Variants in CYRIA observed in about 807,000 individuals in gnomAD.
CYRIA encodes CYFIP-related Rac1 interactor A.
CYRIA carries 15 observed loss-of-function variants against 43.9 expected under a neutral mutation model. The observed-to-expected ratio is 0.34, with a 90% confidence interval of 0.23 to 0.53. The LOEUF (loss-of-function observed/expected upper bound fraction) is 0.53, where lower values mean the gene tolerates loss of function less well. CYRIA is among the 20% of genes least tolerant of loss of function. The probability of loss-of-function intolerance (pLI) is 0.94; values close to 1 mark genes in which losing one functional copy is unlikely to be tolerated. For missense variants in CYRIA, 236 were observed against 394.2 expected (o/e 0.60, Z 3.40); for synonymous variants, 117 against 136.0 (o/e 0.86, Z 0.97).
At position 16,555,225 on chromosome 2, in the gene CYRIA, G is replaced by A. The variant is rs552707839; in HGVS notation, c.838-86C>T. Reference sequence around the variant, plus strand: ...ACCCATAATAACATGTGCCCATAATGTCACATTATATCTTCCCATAGAAAT... The same window carrying A: ...ACCCATAATAACATGTGCCCATAATATCACATTATATCTTCCCATAGAAAT... On this transcript the variant is annotated intron_variant, in intron 10 of 11. Transcript: ENST00000381323. 225 of 1,227,326 alleles carry A rather than the reference G, an allele frequency of 1.8e-4. No homozygotes were observed. In the African/African-American group the frequency reaches 3.1e-3, roughly 17 times the overall value. The allele number at this position is 1,227,326 out of a possible 1,614,324, so 76.0% of individuals were successfully genotyped here. A position where few individuals can be genotyped will look rare whatever the true frequency, so the allele number is the denominator to read the frequency against.
At chr2:16,634,328 A>G (rs1235058085) in intron 1 of CYRIA, among the ~76,000 whole-genome samples, 1 of 152,124 alleles carries the variant, frequency 6.6e-6, no homozygotes, top group African/African-American at 2.4e-5. Context: ...ATATTCCAGA[A>G]TGGTAAAATC....
intron 6 of CYRIA, 107 bp from the exon 7 acceptor site, chr2:16,561,640 T>C (rs1347473124): frequency 3.5e-6 from 3 of 853,104 alleles, no homozygotes; most frequent in Non-Finnish European, 5.6e-6. Flanking sequence ...AGGACTTCTC[T>C]TTGTTACATA....
chr2:16,590,690 TG>T (rs1667901423), intron 2 of CYRIA, among the ~76,000 whole-genome samples: 1 of 152,144 alleles, frequency 6.6e-6, no homozygotes, highest in East Asian at 1.9e-4. Flanking sequence ...CAGATATTTT[TG>T]AACATCATTC....
chr2:16,593,301 T>A (rs1454088672), intron 2 of CYRIA, among the ~76,000 whole-genome samples: 1 of 152,202 alleles, frequency 6.6e-6, no homozygotes, highest in Non-Finnish European at 1.5e-5. Context: ...CATTAAACTA[T>A]AACCAGGTAA....
At chr2:16,570,994 C>T (rs1667109800) in intron 3 of CYRIA, among the ~76,000 whole-genome samples, 1 of 152,148 alleles carries the variant, frequency 6.6e-6, no homozygotes, top group South Asian at 2.1e-4. Flanking sequence ...TGGGCAGTTT[C>T]AGAAACCAAT....
chr2:16,566,571 A>G (rs1387666970), intron 3 of CYRIA, among the ~76,000 whole-genome samples: 1 of 152,210 alleles, frequency 6.6e-6, no homozygotes, highest in Non-Finnish European at 1.5e-5. Flanking sequence ...GTTCATGTTA[A>G]AGACAAATGT....
chr2:16,636,060 C>T (rs1669488008), intron 1 of CYRIA, among the ~76,000 whole-genome samples: 2 of 152,134 alleles, frequency 1.3e-5, no homozygotes, highest in Non-Finnish European at 2.9e-5. Context: ...GAGGCAATGG[C>T]AGGCAGCATA....
intron 2 of CYRIA, among the ~76,000 whole-genome samples, chr2:16,592,127 T>C (rs1175600436): frequency 6.6e-6 from 1 of 152,158 alleles, no homozygotes; most frequent in African/African-American, 2.4e-5. Context: ...CTAAAACTTT[T>C]TGAGCACTGA....
chr2:16,569,164 CA>C (rs934635990), intron 3 of CYRIA, among the ~76,000 whole-genome samples: 3 of 152,100 alleles, frequency 2.0e-5, no homozygotes, highest in Non-Finnish European at 4.4e-5. Context: ...CATGAGTAAC[CA>C]GGGGGCTGGT....
At chr2:16,621,286 T>A (rs569828335) in intron 2 of CYRIA, among the ~76,000 whole-genome samples, 1 of 152,312 alleles carries the variant, frequency 6.6e-6, no homozygotes, top group East Asian at 1.9e-4. Flanking sequence ...GGAAAATTCC[T>A]ACTCTAGCAA....
intron 1 of CYRIA, among the ~76,000 whole-genome samples, chr2:16,643,185 T>C (rs1439015416): frequency 6.6e-6 from 1 of 152,216 alleles, no homozygotes; most frequent in East Asian, 1.9e-4. Flanking sequence ...TTATCCTTAC[T>C]GCCTAGAGCT....
intron 1 of CYRIA, among the ~76,000 whole-genome samples, chr2:16,644,337 G>A (rs1017003691): frequency 6.6e-6 from 1 of 152,170 alleles, no homozygotes; most frequent in Admixed American, 6.5e-5. Context: ...CACACAGGGA[G>A]GTTAAGACTG....
At chr2:16,652,405 G>C (rs1669999480) in intron 1 of CYRIA, among the ~76,000 whole-genome samples, 1 of 152,054 alleles carries the variant, frequency 6.6e-6, no homozygotes, top group African/African-American at 2.4e-5. Flanking sequence ...AGCCTCACTG[G>C]GGCCAAATGC....
intron 3 of CYRIA, among the ~76,000 whole-genome samples, chr2:16,582,940 G>A (rs935910638): frequency 1.3e-5 from 2 of 152,106 alleles, no homozygotes; most frequent in Admixed American, 6.6e-5. Context: ...TTTCCAGACT[G>A]TTTTCCAAAG....
chr2:16,657,691 C>T (rs1670153950), intron 1 of CYRIA, among the ~76,000 whole-genome samples: 1 of 152,180 alleles, frequency 6.6e-6, no homozygotes, highest in Non-Finnish European at 1.5e-5. Flanking sequence ...TCTGCAAGAT[C>T]CACAAAACCT....
intron 1 of CYRIA, among the ~76,000 whole-genome samples, chr2:16,644,891 A>G (rs1669777142): frequency 6.6e-6 from 1 of 152,220 alleles, no homozygotes; most frequent in Admixed American, 6.5e-5. Flanking sequence ...ACAACCACTC[A>G]GTCTCATAGC....
intron 2 of CYRIA, among the ~76,000 whole-genome samples, chr2:16,605,564 A>G (rs567052683): frequency 6.6e-6 from 1 of 152,356 alleles, no homozygotes; most frequent in East Asian, 1.9e-4. Context: ...TACCCCATGC[A>G]GGGCAAGGGG....
chr2:16,584,255 A>G (rs1667648887), intron 3 of CYRIA, among the ~76,000 whole-genome samples: 1 of 152,122 alleles, frequency 6.6e-6, no homozygotes, highest in African/African-American at 2.4e-5. Context: ...GAATCCATTT[A>G]CACTCCCTCC....
chr2:16,605,590 C>G (rs1208254923), intron 2 of CYRIA, among the ~76,000 whole-genome samples: 1 of 152,214 alleles, frequency 6.6e-6, no homozygotes, highest in Non-Finnish European at 1.5e-5. Context: ...GAGACCCAAG[C>G]ACTCATCTTG....
Sources: gnomAD v4.1 joint callset for allele counts (sites outside exome capture counted in the v4.1 genomes callset) on GRCh38, gnomAD v4.1.1 for gene constraint, MANE v1.5 for transcripts, NCBI Gene and HGNC (gene_info 2026-07-23, HGNC 2026-07-21) for gene names.